Variants in IQCK observed in about 807,000 individuals in gnomAD.
IQCK encodes the protein IQ domain-containing protein K.
IQCK carries 29 observed loss-of-function variants against 28.1 expected under a neutral mutation model. That is an observed-to-expected ratio of 1.03 (90% confidence interval 0.77 to 1.41). The LOEUF is 1.41. Ranked by LOEUF, IQCK falls within the 40% of genes most tolerant of loss-of-function variation. The pLI, the probability that IQCK is intolerant of heterozygous loss-of-function variation, is 0.00. For missense variants in IQCK, 359 were observed against 314.7 expected (o/e 1.14, Z -1.07); for synonymous variants, 113 against 115.1 (o/e 0.98, Z 0.12).
At chr16:19,844,081 CT>C (rs760051580) in intron 9 of IQCK, among the ~76,000 whole-genome samples, 366 of 136,254 alleles carry the variant, frequency 2.7e-3, no homozygotes, top group Middle Eastern at 3.8e-3. Context: ...CATATGCTTG[CT>C]TTTTTTTTTT....
At chr16:19,765,667 T>G (rs992229528) in intron 6 of IQCK, among the ~76,000 whole-genome samples, 1 of 152,160 alleles carries the variant, frequency 6.6e-6, no homozygotes, top group African/African-American at 2.4e-5. Flanking sequence ...AAACCCCAGA[T>G]ATTAACCAGT....
intron 7 of IQCK, among the ~76,000 whole-genome samples, chr16:19,814,688 G>C (rs2055959744): frequency 6.6e-6 from 1 of 151,190 alleles, no homozygotes; most frequent in Non-Finnish European, 1.5e-5. Flanking sequence ...AGATGGGAAA[G>C]ACTGACAACA....
intron 9 of IQCK, among the ~76,000 whole-genome samples, chr16:19,846,848 G>A (rs1567201588): frequency 6.6e-6 from 1 of 151,036 alleles, no homozygotes; most frequent in South Asian, 2.1e-4. Context: ...TGTATTCTTC[G>A]AATTTTCTAT....
intron 1 of IQCK, among the ~76,000 whole-genome samples, chr16:19,720,874 C>T (rs940341153): frequency 2.0e-5 from 3 of 152,066 alleles, no homozygotes; most frequent in Non-Finnish European, 2.9e-5. Context: ...AAAACTAAGT[C>T]AGGCTTGGTG....
chr16:19,734,988 C>T (rs1977965465), intron 3 of IQCK, among the ~76,000 whole-genome samples: 1 of 152,010 alleles, frequency 6.6e-6, no homozygotes, highest in African/African-American at 2.4e-5. Flanking sequence ...GACCCTAAGC[C>T]CTTACCCATT....
intron 7 of IQCK, among the ~76,000 whole-genome samples, chr16:19,804,349 A>T (rs758847204): frequency 8.6e-5 from 13 of 151,900 alleles, no homozygotes; most frequent in South Asian, 2.1e-4. Context: ...ATCTCAAAAA[A>T]AAAATAAAAT....
At chr16:19,742,167 G>A (rs748574311) in intron 4 of IQCK, among the ~76,000 whole-genome samples, 1 of 152,018 alleles carries the variant, frequency 6.6e-6, no homozygotes, top group Admixed American at 6.5e-5. Flanking sequence ...GTCATTGGGC[G>A]GAAGAGGGGA....
At chr16:19,793,742 CT>C (rs1267993455) in intron 7 of IQCK, among the ~76,000 whole-genome samples, 2 of 52,902 alleles carry the variant, frequency 3.8e-5, no homozygotes, top group Admixed American at 7.2e-4. Context: ...CCAAAACAAT[CT>C]TGAAAAAGAA....
intron 4 of IQCK, among the ~76,000 whole-genome samples, chr16:19,743,591 C>T (rs1308492229): frequency 6.6e-6 from 1 of 152,220 alleles, no homozygotes; most frequent in Admixed American, 6.5e-5. Context: ...GAGGTGGATG[C>T]TATTATCATC....
chr16:19,811,172 T>G (rs914810419), intron 7 of IQCK, among the ~76,000 whole-genome samples: 3 of 151,646 alleles, frequency 2.0e-5, no homozygotes, highest in Non-Finnish European at 2.9e-5. Flanking sequence ...TGGTCCCAGC[T>G]ACTCGGGAGA....
intron 4 of IQCK, among the ~76,000 whole-genome samples, chr16:19,762,568 T>C (rs1050162183): frequency 1.3e-5 from 2 of 152,208 alleles, no homozygotes; most frequent in African/African-American, 4.8e-5. Flanking sequence ...TTGATGTTCT[T>C]ATAAATCTCA....
At chr16:19,832,558 C>T (rs1368850552) in intron 9 of IQCK, among the ~76,000 whole-genome samples, 1 of 151,916 alleles carries the variant, frequency 6.6e-6, no homozygotes, top group Non-Finnish European at 1.5e-5. Flanking sequence ...AAAATAAAGC[C>T]ACTCAGTTCT....
intron 6 of IQCK, among the ~76,000 whole-genome samples, chr16:19,767,692 G>C (rs2055260065): frequency 6.6e-6 from 1 of 152,058 alleles, no homozygotes; most frequent in Middle Eastern, 3.2e-3. Flanking sequence ...AGCCAGGGTG[G>C]TCTTGGGAAA....
intron 6 of IQCK, among the ~76,000 whole-genome samples, chr16:19,781,728 C>G (rs1053124721): frequency 2.6e-5 from 4 of 152,228 alleles, no homozygotes; most frequent in African/African-American, 9.6e-5. Flanking sequence ...GTGGCTCACG[C>G]CTGTAATCCC....
intron 4 of IQCK, among the ~76,000 whole-genome samples, chr16:19,738,586 C>A (rs2054787971): frequency 6.6e-6 from 1 of 152,196 alleles, no homozygotes; most frequent in South Asian, 2.1e-4. Flanking sequence ...ATTATCACTT[C>A]CTTCCATGTA....
At chr16:19,764,079 C>T in exon 6 of IQCK, 2 of 1,613,858 alleles carry the variant, frequency 1.2e-6, no homozygotes, top group African/African-American at 2.7e-5. Flanking sequence ...GAATTTTTCT[C>T]CATTCCATTT....
intron 9 of IQCK, among the ~76,000 whole-genome samples, chr16:19,847,801 AT>A (rs929536055): frequency 1.3e-5 from 2 of 151,946 alleles, no homozygotes; most frequent in African/African-American, 4.8e-5. Context: ...TACTTTGTTG[AT>A]TTTATTATTA....
rs1364977296 is a variant in IQCK at position 19,825,964 on chromosome 16, A to G, written c.691-1062A>G. 6.6e-6 allele frequency among the ~76,000 whole-genome samples: 1 copy of G among 152,224 alleles called. No individual in the cohort carries two copies. The highest frequency in any genetic ancestry group is 6.6e-5 in the Admixed American group (1 of 15,266). ...AAGTATGTTGTAAGTGCAAAAACAC[A>G]CAGTGTTGAAGACTTAGCATGTAAA... is the stretch of plus-strand genomic sequence containing the variant. On this transcript the variant is annotated intron_variant, in intron 7 of 7. Transcript: ENST00000564186. The surrounding 1 kb of genome is among the most constrained non-coding windows in gnomAD (Gnocchi z 4.2).
intron 4 of IQCK, among the ~76,000 whole-genome samples, chr16:19,755,760 G>A (rs1178877774): frequency 6.6e-6 from 1 of 152,212 alleles, no homozygotes; most frequent in African/African-American, 2.4e-5. Flanking sequence ...GTCACTCCCT[G>A]TGGTAGAAGA....
Sources: gnomAD v4.1 joint callset for allele counts (sites outside exome capture counted in the v4.1 genomes callset) on GRCh38, gnomAD v4.1.1 for gene constraint, Gnocchi (gnomAD v3.1) non-coding constraint, MANE v1.5 for transcripts, NCBI Gene and HGNC (gene_info 2026-07-23, HGNC 2026-07-21) for gene names.